Variants in SLC9C2 observed in about 807,000 individuals in gnomAD.
SLC9C2 encodes sodium/hydrogen exchanger 11.
In SLC9C2, 75 loss-of-function variants were observed where a neutral mutation model predicts 140.2. The observed-to-expected ratio is 0.53, with a 90% CI of 0.44 to 0.65. SLC9C2 has a LOEUF of 0.65. Among genes scored for constraint, SLC9C2 ranks in the 30% least tolerant of loss-of-function variants. The pLI is 0.00. For missense variants in SLC9C2, 1,074 were observed against 1,331.8 expected (o/e 0.81, Z 3.01); for synonymous variants, 375 against 420.9 (o/e 0.89, Z 1.34).
chr1:173,518,119 C>A (rs187410977), intron 22 of SLC9C2, among the ~76,000 whole-genome samples: 18 of 152,144 alleles, frequency 1.2e-4, no homozygotes, highest in Admixed American at 3.3e-4. Context: ...AAAAATTAGT[C>A]GAGCATGGTG....
At chr1:173,530,644 A>G (rs1661515290) in intron 17 of SLC9C2, among the ~76,000 whole-genome samples, 3 of 152,214 alleles carry the variant, frequency 2.0e-5, no homozygotes, top group Non-Finnish European at 4.4e-5. Flanking sequence ...TGTGACCTTG[A>G]GCAAGTTATT....
At chr1:173,581,020 A>G (rs889527149) in intron 7 of SLC9C2, among the ~76,000 whole-genome samples, 12 of 152,230 alleles carry the variant, frequency 7.9e-5, no homozygotes, top group East Asian at 7.7e-4. Context: ...TGAGCGTTCA[A>G]TGAATGCTTT....
intron 11 of SLC9C2, among the ~76,000 whole-genome samples, chr1:173,554,044 T>C: frequency 6.6e-6 from 1 of 152,372 alleles, no homozygotes; most frequent in Middle Eastern, 3.4e-3. Context: ...TATTTTATTA[T>C]ATTTATGCAT....
intron 9 of SLC9C2, among the ~76,000 whole-genome samples, chr1:173,571,901 T>C (rs1558078156): frequency 6.6e-6 from 1 of 152,228 alleles, no homozygotes; most frequent in Non-Finnish European, 1.5e-5. Context: ...TCAAAAGTTG[T>C]GTCTTATCCT....
intron 13 of SLC9C2, among the ~76,000 whole-genome samples, chr1:173,543,084 T>C (rs556533090): frequency 2.3e-4 from 35 of 152,306 alleles, no homozygotes; most frequent in Admixed American, 6.5e-4. Flanking sequence ...TGTTTGCAGA[T>C]GACATGATTG....
rs61579339 is a variant in SLC9C2 at position 173,599,362 on chromosome 1, A to ATTTTTTTTTTTTTTTTTTTT, written c.228+735_228+754dup. Reference sequence around the variant, plus strand: ...CAAGAGCGCAAACACATTTTCCTTGATTTTTTTTTTTTTTTTTTTTTTTTT... The same window carrying ATTTTTTTTTTTTTTTTTTTT: ...CAAGAGCGCAAACACATTTTCCTTGATTTTTTTTTTTTTTTTTTTTTTTTTTTTTTTTTTTTTTTTTTTTT... On this transcript the variant is annotated intron_variant, in intron 3 of 27. Transcript: ENST00000367714. 2.1e-4 allele frequency among the ~76,000 whole-genome samples: 14 copies of ATTTTTTTTTTTTTTTTTTTT among 68,124 alleles called. 6 individuals are homozygous for ATTTTTTTTTTTTTTTTTTTT. The highest frequency in any genetic ancestry group is 6.6e-4 in the African/African-American group (14 of 21,142). The allele number at this position is 68,124 out of a possible 152,430, so 44.7% of individuals were successfully genotyped here. A position where few individuals can be genotyped will look rare whatever the true frequency, so the allele number is the denominator to read the frequency against.
At chr1:173,524,737 T>C (rs921787086) in intron 20 of SLC9C2, 42 bp downstream of exon 20, 46 of 1,604,536 alleles carry the variant, frequency 2.9e-5, no homozygotes, top group Non-Finnish European at 3.7e-5. Flanking sequence ...AAAGTAACCA[T>C]GAAGGCTGGG....
chr1:173,566,526 G>A (rs1453639152), intron 9 of SLC9C2, among the ~76,000 whole-genome samples: 3 of 151,972 alleles, frequency 2.0e-5, no homozygotes, highest in Admixed American at 1.3e-4. Context: ...CAATCATAAT[G>A]TCTCACTTTT....
intron 9 of SLC9C2, among the ~76,000 whole-genome samples, chr1:173,563,081 C>T (rs1355962080): frequency 6.6e-6 from 1 of 151,666 alleles, no homozygotes; most frequent in Non-Finnish European, 1.5e-5. Context: ...TAATCTGAAG[C>T]CACGGGGGGC....
At chr1:173,537,484 C>G (rs1377288068) in intron 13 of SLC9C2, among the ~76,000 whole-genome samples, 2 of 151,986 alleles carry the variant, frequency 1.3e-5, no homozygotes, top group Non-Finnish European at 2.9e-5. Flanking sequence ...ATCGCTTGAA[C>G]CCAGGAGGCG....
chr1:173,504,024 C>T (rs1659461559), intron 26 of SLC9C2, among the ~76,000 whole-genome samples: 1 of 152,188 alleles, frequency 6.6e-6, no homozygotes, highest in Non-Finnish European at 1.5e-5. Flanking sequence ...TTAGGGTGCC[C>T]CAAGGGGGCT....
intron 7 of SLC9C2, among the ~76,000 whole-genome samples, chr1:173,578,731 T>G (rs1255525452): frequency 6.6e-6 from 1 of 152,210 alleles, no homozygotes; most frequent in African/African-American, 2.4e-5. Flanking sequence ...CAGGCATTCC[T>G]TGGCTTATAG....
At chr1:173,511,730 C>A (rs1660071314) in intron 23 of SLC9C2, among the ~76,000 whole-genome samples, 1 of 152,168 alleles carries the variant, frequency 6.6e-6, no homozygotes, top group South Asian at 2.1e-4. Flanking sequence ...TTTGCCCATG[C>A]CTATGTCCTG....
At chr1:173,573,392 T>A in intron 8 of SLC9C2, 67 bp from the exon 9 acceptor site, 1 of 1,140,908 alleles carries the variant, frequency 8.8e-7, no homozygotes, top group Non-Finnish European at 1.2e-6. Context: ...CCTTTTCATA[T>A]AAAATCATAT....
chr1:173,601,596 T>G (rs1244452534), intron 2 of SLC9C2, 54 bp downstream of exon 2: 22 of 1,581,910 alleles, frequency 1.4e-5, no homozygotes, highest in Middle Eastern at 1.7e-4. Context: ...CTTTCTGCAT[T>G]GACAAAAGGT....
rs1329665655 is a variant in SLC9C2 at position 173,505,268 on chromosome 1, T to C, written c.3289A>G (p.Asn1097Asp). Residue 1097 changes from asparagine to aspartate, a missense_variant, in exon 26 of 28, where the codon AAT (asparagine) becomes GAT (aspartate). Coordinates refer to ENST00000367714, the MANE Select transcript of SLC9C2 (RefSeq NM_178527.4). Reference sequence around the variant, plus strand: ...TTACCCATGACATTGGTGTTACTATTTCTTTGGGTAAGCTCAGATGCTTGG... The same window carrying C: ...TTACCCATGACATTGGTGTTACTATCTCTTTGGGTAAGCTCAGATGCTTGG... ...IIQASELTQR[N>D]SNTNVMASVN... The C allele has an allele frequency of 6.2e-7, 1 of 1,613,998 alleles. No homozygotes were observed. The highest frequency in any genetic ancestry group is 1.3e-5 in the African/African-American group (1 of 74,948).
chr1:173,588,556 G>A (rs1158930667), intron 4 of SLC9C2, among the ~76,000 whole-genome samples: 5 of 152,036 alleles, frequency 3.3e-5, no homozygotes, highest in African/African-American at 4.8e-5. Flanking sequence ...AATCTCATAA[G>A]AGCATGAATT....
chr1:173,585,670 C>T (rs2102231345), intron 5 of SLC9C2, among the ~76,000 whole-genome samples: 1 of 152,186 alleles, frequency 6.6e-6, no homozygotes, highest in Admixed American at 6.5e-5. Context: ...CGTCTTAAAG[C>T]AATAGAAGAC....
intron 16 of SLC9C2, 68 bp from the exon 17 acceptor site, chr1:173,533,865 A>C (rs946322444): frequency 1.1e-5 from 16 of 1,453,086 alleles, no homozygotes; most frequent in Non-Finnish European, 1.5e-5. Context: ...AATCTATAAA[A>C]TTAACAACTA....
Sources: allele counts gnomAD v4.1 joint callset (sites outside exome capture counted in the v4.1 genomes callset), GRCh38; gene constraint gnomAD v4.1.1; transcripts MANE v1.5; gene names NCBI Gene and HGNC (gene_info 2026-07-23, HGNC 2026-07-21).